Variants in TRAPPC3L observed in about 807,000 individuals in gnomAD.
TRAPPC3L encodes the protein trafficking protein particle complex subunit 3-like protein.
TRAPPC3L carries 23 observed loss-of-function variants against 23.7 expected under a neutral mutation model. The ratio of observed to expected loss-of-function variants is 0.97; its 90% CI spans 0.70 to 1.37. The LOEUF (loss-of-function observed/expected upper bound fraction) is 1.37, where lower values mean the gene tolerates loss of function less well. Among genes scored for constraint, TRAPPC3L ranks in the 40% most tolerant of loss-of-function variants. TRAPPC3L has a pLI of 0.00. For synonymous variants in TRAPPC3L, 81 were observed against 77.9 expected (o/e 1.04, Z -0.21); for missense variants, 212 against 216.8 (o/e 0.98, Z 0.14).
chr6:116,528,814 T>C (rs1464199584), intron 3 of TRAPPC3L, among the ~76,000 whole-genome samples: 5 of 152,226 alleles, frequency 3.3e-5, no homozygotes, highest in African/African-American at 1.2e-4. Flanking sequence ...TAATATAGTA[T>C]GTTGAAAAGA....
intron 3 of TRAPPC3L, among the ~76,000 whole-genome samples, chr6:116,506,479 A>G (rs1344489776): frequency 6.6e-6 from 1 of 152,244 alleles, no homozygotes; most frequent in Non-Finnish European, 1.5e-5. Flanking sequence ...ATCTAGAACT[A>G]GAAATACCAT....
intron 3 of TRAPPC3L, chr6:116,512,056 C>T: frequency 6.2e-7 from 1 of 1,614,018 alleles, no homozygotes; most frequent in Non-Finnish European, 8.5e-7. Flanking sequence ...TGGCTCTGCT[C>T]AATGGAACTT....
At chr6:116,545,440 A>G (rs1773721266) in intron 1 of TRAPPC3L, 33 bp downstream of exon 1, 1 of 1,516,858 alleles carries the variant, frequency 6.6e-7, no homozygotes, top group African/African-American at 1.4e-5. Context: ...TTTTCTCTGA[A>G]GTAGAAAAAA....
chr6:116,510,693 T>TA (rs773155313), intron 3 of TRAPPC3L, among the ~76,000 whole-genome samples: 151 of 150,740 alleles, frequency 1.0e-3, no homozygotes, highest in Non-Finnish European at 1.4e-3. Flanking sequence ...CATTATATAT[T>TA]AAAAAAAAAC....
At chr6:116,520,345 T>G (rs2115173050) in intron 3 of TRAPPC3L, 1 of 152,340 alleles carries the variant, frequency 6.6e-6, no homozygotes, top group East Asian at 1.9e-4. Context: ...ATTATCTTAA[T>G]TTTCTAATAT....
chr6:116,545,071 T>A (rs1166921309), intron 1 of TRAPPC3L, among the ~76,000 whole-genome samples: 1 of 151,500 alleles, frequency 6.6e-6, no homozygotes, highest in Non-Finnish European at 1.5e-5. Flanking sequence ...CTATTTCGAT[T>A]CAGTTTTACA....
Position 116,500,511 on chromosome 6 carries a change from G to A in TRAPPC3L, c.396C>T (p.Leu132=). The A allele has an allele frequency of 1.3e-6, 2 of 1,551,416 alleles. No individual in the cohort carries two copies. The highest frequency in any genetic ancestry group is 8.7e-7 in the Non-Finnish European group (1 of 1,146,870). ...CCAAGGCACCTCTGATAATCCCACA[G>A]AGCAAGTTGCAGTAGCACAGAGAAG... is the stretch of plus-strand genomic sequence containing the variant. ...GRSSLCYCNL[L]CGIIRGALEM... Residue 132 remains leucine, a synonymous_variant, in exon 4 of 5, where the codon CTC becomes CTT. Transcript: ENST00000368602.
intron 4 of TRAPPC3L, among the ~76,000 whole-genome samples, chr6:116,499,280 T>A (rs1583263672): frequency 6.6e-6 from 1 of 152,212 alleles, no homozygotes; most frequent in East Asian, 1.9e-4. Context: ...GGTCTTCCTC[T>A]CCCCATTCCT....
intron 3 of TRAPPC3L, among the ~76,000 whole-genome samples, chr6:116,505,418 A>G (rs9400928): frequency 0.41 from 61,943 of 152,006 alleles, 13,454 homozygotes; most frequent in East Asian, 0.56. Context: ...AGAAAGAATC[A>G]ATATCGTGAA....
intron 3 of TRAPPC3L, among the ~76,000 whole-genome samples, chr6:116,538,680 G>A (rs538429039): frequency 6.6e-6 from 1 of 151,226 alleles, no homozygotes; most frequent in East Asian, 1.9e-4. Context: ...CAGATTATTG[G>A]TCAATGCTCT....
chr6:116,541,835 T>A (rs985971237), intron 2 of TRAPPC3L, among the ~76,000 whole-genome samples: 1 of 152,174 alleles, frequency 6.6e-6, no homozygotes, highest in Non-Finnish European at 1.5e-5. Flanking sequence ...CACATATTGC[T>A]TTGGTCAAAG....
intron 3 of TRAPPC3L, chr6:116,512,179 T>G: frequency 6.2e-7 from 1 of 1,610,948 alleles, no homozygotes; most frequent in East Asian, 2.2e-5. Flanking sequence ...GTGGCAAAAC[T>G]AGCATGCTAC....
intron 2 of TRAPPC3L, among the ~76,000 whole-genome samples, chr6:116,541,315 G>A (rs577501650): frequency 6.6e-6 from 1 of 152,264 alleles, no homozygotes; most frequent in Non-Finnish European, 1.5e-5. Flanking sequence ...GACCTTCAAG[G>A]TGGAAATCAA....
chr6:116,523,382 C>CT (rs1469395618), intron 3 of TRAPPC3L: 5 of 152,058 alleles, frequency 3.3e-5, no homozygotes, highest in South Asian at 4.2e-4. Flanking sequence ...TAAATGGTTT[C>CT]TTTTTTCCAC....
At chr6:116,501,400 G>T (rs1771912199) in intron 3 of TRAPPC3L, among the ~76,000 whole-genome samples, 1 of 152,196 alleles carries the variant, frequency 6.6e-6, no homozygotes, top group Non-Finnish European at 1.5e-5. Flanking sequence ...GCACAGCAAG[G>T]CCTACTGCCT....
chr6:116,527,974 T>C (rs1772498261), intron 3 of TRAPPC3L, among the ~76,000 whole-genome samples: 1 of 152,176 alleles, frequency 6.6e-6, no homozygotes, highest in African/African-American at 2.4e-5. Context: ...TAAAAAAACT[T>C]CTCCCTTAGA....
At chr6:116,540,712 T>G (rs1376421858) in intron 2 of TRAPPC3L, among the ~76,000 whole-genome samples, 2 of 152,028 alleles carry the variant, frequency 1.3e-5, no homozygotes, top group Non-Finnish European at 2.9e-5. Flanking sequence ...AATCAAGACT[T>G]GCCCAAAGTT....
intron 3 of TRAPPC3L, among the ~76,000 whole-genome samples, chr6:116,514,507 C>T (rs1175071915): frequency 6.6e-6 from 1 of 152,204 alleles, no homozygotes; most frequent in Non-Finnish European, 1.5e-5. Context: ...TTAATGAATA[C>T]ATGTGTCCAG....
Position 116,495,098 on chromosome 6 carries a change from C to T in TRAPPC3L, c.*1856G>A, listed in dbSNP as rs1165640858. The stretch of plus-strand genomic sequence containing the variant: ...GATTACAGGCTTGTGCCACCATGCC[C>T]GACCCAGATCTTATTCATTCTATCT... On this transcript the variant is annotated 3_prime_UTR_variant, in exon 5 of 5. Transcript: ENST00000368602. The T allele has an allele frequency of 4.1e-5, 6 of 147,854 alleles. No individual in the cohort carries two copies. The highest frequency in any genetic ancestry group is 2.2e-4 in the South Asian group (1 of 4,634). 9.2% of individuals were successfully genotyped at this position (147,854 alleles called of 1,614,324 possible).
Sources: allele counts gnomAD v4.1 joint callset (sites outside exome capture counted in the v4.1 genomes callset), GRCh38; gene constraint gnomAD v4.1.1; transcripts MANE v1.5; gene names NCBI Gene and HGNC (gene_info 2026-07-23, HGNC 2026-07-21).